CPA6: variants seen among roughly 807,000 people sequenced by gnomAD.
CPA6 encodes carboxypeptidase A6, also known as carboxypeptidase B.
In CPA6, 58 loss-of-function variants were observed where a neutral mutation model predicts 63.3. The observed-to-expected ratio is 0.92, with a 90% confidence interval of 0.74 to 1.14. The LOEUF (loss-of-function observed/expected upper bound fraction) is 1.14. Ranked by LOEUF, CPA6 falls within the 50% of genes most tolerant of loss-of-function variation. CPA6 has a pLI of 0.00. For missense variants in CPA6, 565 were observed against 526.6 expected (o/e 1.07, Z -0.71); for synonymous variants, 185 against 179.0 (o/e 1.03, Z -0.27).
chr8:67,730,141 C>T (rs2553676), intron 1 of CPA6, among the ~76,000 whole-genome samples: 141,085 of 152,288 alleles, frequency 0.93, 65,438 homozygotes, highest in East Asian at 1. Flanking sequence ...CAGTCCCACA[C>T]AACTACCTCC....
intron 2 of CPA6, among the ~76,000 whole-genome samples, chr8:67,585,980 G>C (rs41527151): frequency 0.067 from 10,188 of 152,080 alleles, 617 homozygotes; most frequent in African/African-American, 0.16. Context: ...GTTTGAGTTT[G>C]CTAGGCAGAA....
chr8:67,641,331 A>G (rs948826699), intron 1 of CPA6, among the ~76,000 whole-genome samples: 7 of 151,218 alleles, frequency 4.6e-5, no homozygotes, highest in Admixed American at 3.3e-4. Flanking sequence ...GAGTATAAAT[A>G]TATCATGTAA....
intron 5 of CPA6, among the ~76,000 whole-genome samples, chr8:67,507,344 A>G (rs1337294693): frequency 6.6e-6 from 1 of 152,094 alleles, no homozygotes; most frequent in Non-Finnish European, 1.5e-5. Context: ...CATCCCAAGG[A>G]ATATTTCTTA....
chr8:67,563,449 T>C (rs1034955417), intron 2 of CPA6, among the ~76,000 whole-genome samples: 1 of 152,160 alleles, frequency 6.6e-6, no homozygotes, highest in Admixed American at 6.5e-5. Context: ...GTTAGCTAAA[T>C]ATCACCTTTT....
At chr8:67,472,968 T>A (rs967455204) in intron 8 of CPA6, among the ~76,000 whole-genome samples, 1 of 152,202 alleles carries the variant, frequency 6.6e-6, no homozygotes, top group South Asian at 2.1e-4. Context: ...AAAGTCATTT[T>A]AAAAAGCTTC....
intron 1 of CPA6, among the ~76,000 whole-genome samples, chr8:67,720,834 C>A (rs1817483114): frequency 6.6e-6 from 1 of 152,174 alleles, no homozygotes; most frequent in Non-Finnish European, 1.5e-5. Context: ...TTGATCACTT[C>A]CTGGCTGCCT....
chr8:67,665,691 G>T (rs1816211559), intron 1 of CPA6, among the ~76,000 whole-genome samples: 1 of 152,074 alleles, frequency 6.6e-6, no homozygotes, highest in African/African-American at 2.4e-5. Flanking sequence ...ACCTTCCCAT[G>T]GGACAGCAAT....
chr8:67,680,360 A>C (rs990191724), intron 1 of CPA6, among the ~76,000 whole-genome samples: 6 of 152,030 alleles, frequency 3.9e-5, no homozygotes, highest in African/African-American at 1.2e-4. Flanking sequence ...GAAATTAGCC[A>C]GGTGTGGTGG....
At chr8:67,474,218 A>ATTTTTAT (rs1181568389) in intron 8 of CPA6, among the ~76,000 whole-genome samples, 1 of 151,968 alleles carries the variant, frequency 6.6e-6, no homozygotes, top group African/African-American at 2.4e-5. Flanking sequence ...GCTTTTATTT[A>ATTTTTAT]TTTTTATTTT....
At chr8:67,688,793 A>AT (rs1378429631) in intron 1 of CPA6, among the ~76,000 whole-genome samples, 4 of 152,238 alleles carry the variant, frequency 2.6e-5, no homozygotes, top group Admixed American at 2.0e-4. Context: ...CCATTCCCTT[A>AT]TCCCTAGAAG....
At chr8:67,643,793 T>C (rs1422608349) in intron 1 of CPA6, among the ~76,000 whole-genome samples, 5 of 152,198 alleles carry the variant, frequency 3.3e-5, no homozygotes, top group African/African-American at 4.8e-5. Context: ...AGAGAAAGAA[T>C]GACCTAGTAC....
At chr8:67,491,973 T>C (rs1811615818) in intron 6 of CPA6, among the ~76,000 whole-genome samples, 1 of 152,172 alleles carries the variant, frequency 6.6e-6, no homozygotes, top group South Asian at 2.1e-4. Context: ...AAGTGTGTAG[T>C]TGTGTTGTGT....
chr8:67,594,344 A>G (rs1814229977), intron 2 of CPA6, among the ~76,000 whole-genome samples: 2 of 152,030 alleles, frequency 1.3e-5, no homozygotes, highest in African/African-American at 4.8e-5. Flanking sequence ...ACTTTGGTGA[A>G]TCTGACAATT....
chr8:67,672,611 T>C (rs1002041785), intron 1 of CPA6, among the ~76,000 whole-genome samples: 6 of 152,202 alleles, frequency 3.9e-5, no homozygotes, highest in African/African-American at 1.4e-4. Context: ...AGGAGGTTTC[T>C]CATAGAGCTC....
chr8:67,607,390 G>C (rs368125237), intron 2 of CPA6, among the ~76,000 whole-genome samples: 12 of 151,892 alleles, frequency 7.9e-5, no homozygotes, highest in Admixed American at 2.0e-4. Flanking sequence ...AGGTAGAAAA[G>C]TAACTCCCTT....
At chr8:67,584,445 A>G (rs111833706) in intron 2 of CPA6, among the ~76,000 whole-genome samples, 1 of 151,856 alleles carries the variant, frequency 6.6e-6, no homozygotes, top group Non-Finnish European at 1.5e-5. Context: ...GAATGCTAGG[A>G]GTGGCTGATT....
intron 3 of CPA6, among the ~76,000 whole-genome samples, chr8:67,513,385 A>G (rs1325496509): frequency 6.6e-6 from 1 of 152,162 alleles, no homozygotes; most frequent in Non-Finnish European, 1.5e-5. Flanking sequence ...GGGCTGGGGT[A>G]ATTATAAATT....
chr8:67,474,144 C>T (rs968013905), intron 8 of CPA6, among the ~76,000 whole-genome samples: 2 of 152,144 alleles, frequency 1.3e-5, no homozygotes, highest in African/African-American at 2.4e-5. Flanking sequence ...CCGAGGTGAG[C>T]GCACCAAAGA....
intron 8 of CPA6, among the ~76,000 whole-genome samples, chr8:67,457,100 GT>G (rs2128956557): frequency 1.3e-5 from 2 of 152,330 alleles, no homozygotes; most frequent in East Asian, 3.9e-4. Context: ...CATTTGACAT[GT>G]TTTAGGTCAC....
Sources: gnomAD v4.1 joint callset for allele counts (sites outside exome capture counted in the v4.1 genomes callset) on GRCh38, gnomAD v4.1.1 for gene constraint, MANE v1.5 for transcripts, NCBI Gene and HGNC (gene_info 2026-07-23, HGNC 2026-07-21) for gene names.